PLEKHD1: variants seen among roughly 807,000 people sequenced by gnomAD.
PLEKHD1 encodes the protein pleckstrin homology domain-containing family D member 1.
A neutral mutation model predicts 69.2 loss-of-function variants in PLEKHD1; 51 were observed. That is an observed-to-expected ratio of 0.74 (90% confidence interval 0.59 to 0.93). PLEKHD1 has a LOEUF of 0.93. Among genes scored for constraint, PLEKHD1 ranks in the 40% least tolerant of loss-of-function variants. The probability of loss-of-function intolerance (pLI) is 0.00; values close to 1 mark genes in which losing one functional copy is unlikely to be tolerated. For synonymous variants in PLEKHD1, 236 were observed against 244.7 expected (o/e 0.96, Z 0.33); for missense variants, 584 against 641.0 (o/e 0.91, Z 0.96).
At chr14:69,496,747 A>G (rs939673104) in intron 1 of PLEKHD1, among the ~76,000 whole-genome samples, 1 of 122,440 alleles carries the variant, frequency 8.2e-6, no homozygotes, top group Non-Finnish European at 1.7e-5. Flanking sequence ...AGGCCTTGCT[A>G]TGTTGCCCAG....
chr14:69,470,952 C>T, the PLEKHD1 span, among the ~76,000 whole-genome samples: 2 of 151,892 alleles, frequency 1.3e-5, no homozygotes, highest in Non-Finnish European at 2.9e-5. Flanking sequence ...CCACCATGCC[C>T]GGCTAATTTT....
intron 7 of PLEKHD1, among the ~76,000 whole-genome samples, chr14:69,523,635 G>A (rs1186104017): frequency 6.6e-6 from 1 of 152,174 alleles, no homozygotes; most frequent in Non-Finnish European, 1.5e-5. Context: ...AAGGCATGGT[G>A]CAGATTTCCT....
chr14:69,501,705 C>T (rs966210787), intron 4 of PLEKHD1, 29 bp from the exon 5 acceptor site: 1 of 1,493,656 alleles, frequency 6.7e-7, no homozygotes, highest in African/African-American at 1.4e-5. Context: ...CCTCTTCTCT[C>T]CTCTGTCCCA....
chr14:69,526,935 A>C (rs1220254240), intron 10 of PLEKHD1, 106 bp downstream of exon 10: 2 of 1,412,540 alleles, frequency 1.4e-6, no homozygotes, highest in Middle Eastern at 2.6e-4. Flanking sequence ...TGTCAGTCTG[A>C]CCAGACAGCC....
intron 1 of PLEKHD1, among the ~76,000 whole-genome samples, chr14:69,498,545 A>G (rs1882941579): frequency 1.3e-5 from 2 of 151,390 alleles, no homozygotes; most frequent in Admixed American, 6.6e-5. Context: ...ACCTTCAGAG[A>G]TTCACTGACT....
chr14:69,478,968 G>A, the PLEKHD1 span, among the ~76,000 whole-genome samples: 2 of 152,176 alleles, frequency 1.3e-5, no homozygotes, highest in East Asian at 1.9e-4. Context: ...TGTGAAGGGT[G>A]TTTGTATTAG....
At position 69,528,410 on chromosome 14, in the gene PLEKHD1, T is replaced by A; in HGVS notation, c.1512T>A (p.Gly504=). 1 of 1,550,196 alleles carries A rather than the reference T, an allele frequency of 6.5e-7. No individual in the cohort carries two copies. The highest frequency in any genetic ancestry group is 8.7e-7 in the Non-Finnish European group (1 of 1,146,818). The part of the protein sequence containing the change: ...QPGAPSALSR[G]GK ...GAGCCCCCTCGGCACTCTCCCGGGG[T>A]GGAAAGTGATGGGCGCTCCTCCCCT... Residue 504 remains glycine, a synonymous_variant, in exon 13 of 13, where the codon GGT becomes GGA. Coordinates refer to ENST00000322564, the MANE Select transcript of PLEKHD1 (RefSeq NM_001161498.2).
At chr14:69,485,166 T>A in intron 1 of PLEKHD1, 52 bp downstream of exon 1, 1 of 1,523,648 alleles carries the variant, frequency 6.6e-7, no homozygotes, top group Non-Finnish European at 8.8e-7. Context: ...AGCCTGGGCG[T>A]CGTTACCCCT....
intron 6 of PLEKHD1, among the ~76,000 whole-genome samples, chr14:69,504,922 T>C (rs1281395058): frequency 2.0e-5 from 3 of 152,170 alleles, no homozygotes; most frequent in Non-Finnish European, 2.9e-5. Context: ...TAAAAACAGG[T>C]GCCCAGGGAT....
rs1463227632 is a variant in PLEKHD1 at position 69,498,042 on chromosome 14, AT to A, written c.150-2069del. ...TTTCTATTTTATTTTGTTTTATTTT[AT>A]TTTATTTTATTTTATTTATTTTATT... is the stretch of plus-strand genomic sequence containing the variant. On this transcript the variant is annotated intron_variant, in intron 1 of 12. Coordinates refer to ENST00000322564, the MANE Select transcript of PLEKHD1 (RefSeq NM_001161498.2). Among the ~76,000 whole-genome samples the A allele has an allele frequency of 6.3e-3, 804 of 127,092 alleles. 8 individuals are homozygous for A. The highest frequency in any genetic ancestry group is 0.024 in the Middle Eastern group (6 of 248). 83.4% of individuals were successfully genotyped at this position (127,092 alleles called of 152,430 possible).
At chr14:69,514,598 A>G (rs1883341853) in intron 6 of PLEKHD1, among the ~76,000 whole-genome samples, 1 of 151,832 alleles carries the variant, frequency 6.6e-6, no homozygotes, top group Non-Finnish European at 1.5e-5. Context: ...CTATCTCTTC[A>G]AATTGTGTTT....
chr14:69,498,653 C>T (rs1355713451), intron 1 of PLEKHD1, among the ~76,000 whole-genome samples: 2 of 138,336 alleles, frequency 1.4e-5, no homozygotes, highest in East Asian at 2.1e-4. Flanking sequence ...CTTCTCTTCT[C>T]TTCTCTTCTT....
At chr14:69,523,409 A>C (rs1343231246) in intron 7 of PLEKHD1, among the ~76,000 whole-genome samples, 1 of 152,092 alleles carries the variant, frequency 6.6e-6, no homozygotes, top group Non-Finnish European at 1.5e-5. Context: ...ACCTTATCCA[A>C]GGGTGTCAAT....
intron 1 of PLEKHD1, among the ~76,000 whole-genome samples, chr14:69,491,135 T>C (rs1012924664): frequency 2.6e-5 from 4 of 152,216 alleles, no homozygotes; most frequent in South Asian, 2.1e-4. Flanking sequence ...TCTTGGTTGA[T>C]GGATTAATTT....
At position 69,527,840 on chromosome 14, in the gene PLEKHD1, T is replaced by G; in HGVS notation, c.1259T>G (p.Met420Arg). 6.4e-7 allele frequency: 1 copy of G among 1,551,476 alleles called. No individual in the cohort carries two copies. The highest frequency in any genetic ancestry group is 1.2e-5 in the South Asian group (1 of 84,058). The change falls in exon 12 of 13, where the codon ATG becomes AGG. Residue 420 changes from methionine to arginine, a missense_variant. Coordinates refer to ENST00000322564, the MANE Select transcript of PLEKHD1 (RefSeq NM_001161498.2). ...AELEAKMPVI[M>R]KNSVYIHKAA... Reference sequence around the variant, plus strand: ...CTGGAGGCCAAGATGCCTGTGATCATGAAGAACTCCGTGTACATCCATAAG... The same window carrying G: ...CTGGAGGCCAAGATGCCTGTGATCAGGAAGAACTCCGTGTACATCCATAAG...
At position 69,527,321 on chromosome 14, in the gene PLEKHD1, G is replaced by A; in HGVS notation, c.1190G>A (p.Ser397Asn). ...EKEERMRADV[S>N]HLKRFFEECI... ...GAGGAGAGGATGCGGGCTGATGTGA[G>A]CCATCTGAAAAGTAAGCCCTGCCTC... The change falls in exon 11 of 13, where the codon AGC becomes AAC. Residue 397 changes from serine (S) to asparagine (N), a missense_variant. Ser to Asn is a conservative substitution (Grantham distance 46). Coordinates refer to ENST00000322564, the MANE Select transcript of PLEKHD1 (RefSeq NM_001161498.2). 1 of 1,551,702 alleles carries A rather than the reference G, an allele frequency of 6.4e-7. No homozygotes were observed. Among genetic ancestry groups the A allele is most frequent in the East Asian group, 2.4e-5 (1 of 40,918 alleles).
Position 69,502,869 on chromosome 14 carries a change from A to T in PLEKHD1, c.545A>T (p.Glu182Val), listed in dbSNP as rs1012329070. 5 of 1,551,618 alleles carry T rather than the reference A, an allele frequency of 3.2e-6. No homozygotes were observed. The Admixed American group carries it at 9.8e-5, about 30-fold the overall frequency. Reference protein sequence around the residue: ...EETEELCLQREQREELERLNQ... With the variant: ...EETEELCLQRVQREELERLNQ... ...ACCGAAGAACTCTGCCTTCAGAGGG[A>T]GCAGAGAGAGGTAGGTGCACACCAA... Residue 182 changes from glutamate (E) to valine (V), a missense_variant, in exon 6 of 13, where the codon GAG (glutamate) becomes GTG (valine). Transcript: ENST00000322564.
At chr14:69,499,668 G>A (rs1207029039) in intron 1 of PLEKHD1, among the ~76,000 whole-genome samples, 1 of 152,252 alleles carries the variant, frequency 6.6e-6, no homozygotes, top group East Asian at 1.9e-4. Flanking sequence ...GGTGCTCGGG[G>A]CTGCAGATTG....
the PLEKHD1 span, among the ~76,000 whole-genome samples, chr14:69,473,207 G>A: frequency 3.9e-5 from 6 of 152,154 alleles, no homozygotes; most frequent in Admixed American, 6.5e-5. Context: ...AAACTCCAGC[G>A]CATGAAAAAA....
Sources: allele counts gnomAD v4.1 joint callset (sites outside exome capture counted in the v4.1 genomes callset), GRCh38; gene constraint gnomAD v4.1.1; transcripts MANE v1.5; gene names NCBI Gene and HGNC (gene_info 2026-07-23, HGNC 2026-07-21).